CNTNAP2: variants seen among roughly 807,000 people sequenced by gnomAD.
The protein encoded by CNTNAP2 is contactin-associated protein-like 2.
A neutral mutation model predicts 155.2 loss-of-function variants in CNTNAP2; 98 were observed. The observed-to-expected ratio is 0.63, with a 90% confidence interval of 0.54 to 0.75. CNTNAP2 has a LOEUF of 0.75. CNTNAP2 is among the 30% of genes least tolerant of loss of function. The probability of loss-of-function intolerance (pLI) is 0.00; values close to 1 mark genes in which losing one functional copy is unlikely to be tolerated. For missense variants in CNTNAP2, 1,727 were observed against 1,688.1 expected (o/e 1.02, Z -0.40); for synonymous variants, 651 against 631.2 (o/e 1.03, Z -0.47).
chr7:147,279,616 G>A (rs770585020), intron 8 of CNTNAP2, among the ~76,000 whole-genome samples: 5 of 151,724 alleles, frequency 3.3e-5, no homozygotes, highest in African/African-American at 4.8e-5. Context: ...AGTTAAAGAA[G>A]GAAGGAAATC....
intron 10 of CNTNAP2, among the ~76,000 whole-genome samples, chr7:147,474,231 AT>A (rs61072856): frequency 0.78 from 118,513 of 152,080 alleles, 46,545 homozygotes; most frequent in African/African-American, 0.87. Context: ...CAAGGATATG[AT>A]GGGGTTGCAG....
At chr7:146,159,477 T>C (rs923287972) in intron 1 of CNTNAP2, among the ~76,000 whole-genome samples, 11 of 152,094 alleles carry the variant, frequency 7.2e-5, no homozygotes, top group Non-Finnish European at 1.5e-4. Flanking sequence ...CCCATCAGTG[T>C]GCTGTATTCA....
chr7:146,589,419 A>G (rs1007256796), intron 1 of CNTNAP2, among the ~76,000 whole-genome samples: 6 of 152,178 alleles, frequency 3.9e-5, no homozygotes, highest in African/African-American at 1.4e-4. Flanking sequence ...CTATGCAGCC[A>G]TAAAAAAGGA....
chr7:147,783,218 C>T (rs1011941419), intron 13 of CNTNAP2, among the ~76,000 whole-genome samples: 1 of 152,054 alleles, frequency 6.6e-6, no homozygotes, highest in Non-Finnish European at 1.5e-5. Context: ...AATTGTGTGC[C>T]CATGTAATTA....
intron 1 of CNTNAP2, among the ~76,000 whole-genome samples, chr7:146,598,058 A>G (rs1353738700): frequency 6.6e-6 from 1 of 151,954 alleles, no homozygotes; most frequent in African/African-American, 2.4e-5. Flanking sequence ...GCTCACACCA[A>G]ATCCAGTCCC....
At chr7:146,729,088 C>T (rs1196667903) in intron 1 of CNTNAP2, among the ~76,000 whole-genome samples, 2 of 152,140 alleles carry the variant, frequency 1.3e-5, no homozygotes, top group African/African-American at 4.8e-5. Context: ...CCACGCGGAG[C>T]TCAGTTGAAG....
chr7:146,533,990 A>T (rs1434807283), intron 1 of CNTNAP2, among the ~76,000 whole-genome samples: 4 of 152,164 alleles, frequency 2.6e-5, no homozygotes, highest in East Asian at 3.9e-4. Context: ...GTAAAATTCC[A>T]ATCTTGTTAG....
At chr7:146,524,857 A>G (rs909957438) in intron 1 of CNTNAP2, among the ~76,000 whole-genome samples, 2 of 152,144 alleles carry the variant, frequency 1.3e-5, no homozygotes, top group Non-Finnish European at 2.9e-5. Context: ...TTCTACAAAC[A>G]TTATTTCAGT....
chr7:147,698,697 GC>G (rs956402513), intron 13 of CNTNAP2, among the ~76,000 whole-genome samples: 2 of 151,792 alleles, frequency 1.3e-5, no homozygotes, highest in Non-Finnish European at 2.9e-5. Context: ...GTTATCTGGG[GC>G]TAGAGGTGTG....
At chr7:146,255,316 A>G (rs1799820940) in intron 1 of CNTNAP2, among the ~76,000 whole-genome samples, 1 of 152,216 alleles carries the variant, frequency 6.6e-6, no homozygotes, top group Admixed American at 6.5e-5. Flanking sequence ...GTGAATATTA[A>G]AAGATTATTT....
intron 11 of CNTNAP2, among the ~76,000 whole-genome samples, chr7:147,547,536 T>C (rs1799761879): frequency 6.6e-6 from 1 of 152,126 alleles, no homozygotes; most frequent in African/African-American, 2.4e-5. Flanking sequence ...GCCAGAACAG[T>C]AGTAACTCCT....
In CNTNAP2 at chr7:146,133,002, T is replaced by G. The variant is rs1164402948; in HGVS notation, c.97+16029T>G. ...GGAATCGCCACACTGACTTCCACAA[T>G]GGTTGAACTAGTTTACAGTCCCACC... On this transcript the variant is annotated intron_variant, in intron 1 of 23. Coordinates refer to ENST00000361727, the MANE Select transcript of CNTNAP2 (RefSeq NM_014141.6). Among the ~76,000 whole-genome samples the G allele has an allele frequency of 1.2e-3, 170 of 147,678 alleles. 2 individuals are homozygous for G. In the East Asian group the frequency reaches 0.027, roughly 24 times the overall value.
chr7:147,194,399 C>T (rs2116531857), intron 8 of CNTNAP2, among the ~76,000 whole-genome samples: 1 of 152,180 alleles, frequency 6.6e-6, no homozygotes, highest in East Asian at 1.9e-4. Context: ...TATACGTGGG[C>T]ATGTGTCTTT....
intron 13 of CNTNAP2, among the ~76,000 whole-genome samples, chr7:147,688,569 G>A (rs1396887034): frequency 6.6e-6 from 1 of 152,104 alleles, no homozygotes; most frequent in Non-Finnish European, 1.5e-5. Flanking sequence ...TTGCCTGGAA[G>A]CAGCTTTTCT....
At chr7:147,981,687 C>T (rs1801532423) in intron 15 of CNTNAP2, among the ~76,000 whole-genome samples, 1 of 152,120 alleles carries the variant, frequency 6.6e-6, no homozygotes, top group Non-Finnish European at 1.5e-5. Context: ...TTCGTCTGAA[C>T]TCAGACCCAT....
intron 2 of CNTNAP2, among the ~76,000 whole-genome samples, chr7:146,835,041 C>A (rs1803589950): frequency 6.6e-6 from 1 of 152,166 alleles, no homozygotes; most frequent in Non-Finnish European, 1.5e-5. Context: ...CTACAGTATT[C>A]TCTCCACATA....
At chr7:147,739,559 C>T (rs1797078592) in intron 13 of CNTNAP2, among the ~76,000 whole-genome samples, 2 of 151,948 alleles carry the variant, frequency 1.3e-5, no homozygotes, top group Non-Finnish European at 2.9e-5. Flanking sequence ...AAAGGTGAGT[C>T]TAATGGTTTG....
intron 2 of CNTNAP2, among the ~76,000 whole-genome samples, chr7:146,833,860 T>G (rs1803561987): frequency 1.3e-5 from 2 of 152,206 alleles, no homozygotes; most frequent in Admixed American, 6.5e-5. Context: ...GTTGCATTTC[T>G]TGTGCATAGA....
chr7:146,832,553 A>G (rs902950755), intron 2 of CNTNAP2, among the ~76,000 whole-genome samples: 13 of 147,902 alleles, frequency 8.8e-5, no homozygotes, highest in African/African-American at 2.5e-5. Flanking sequence ...ACATTATACT[A>G]TGTTTAGATA....
Sources: gnomAD v4.1 joint callset for allele counts (sites outside exome capture counted in the v4.1 genomes callset) on GRCh38, gnomAD v4.1.1 for gene constraint, MANE v1.5 for transcripts, NCBI Gene and HGNC (gene_info 2026-07-23, HGNC 2026-07-21) for gene names.